Variants in DIAPH2 observed in about 807,000 individuals in gnomAD.
The protein encoded by DIAPH2 is protein diaphanous homolog 2.
DIAPH2 carries 35 observed loss-of-function variants against 92.7 expected under a neutral mutation model. The ratio of observed to expected loss-of-function variants is 0.38; its 90% CI spans 0.29 to 0.50. The LOEUF is 0.50. Among genes scored for constraint, DIAPH2 ranks in the 20% least tolerant of loss-of-function variants. The pLI, the probability that DIAPH2 is intolerant of heterozygous loss-of-function variation, is 0.94. For missense variants in DIAPH2, 701 were observed against 819.5 expected, an observed-to-expected ratio of 0.86 and a Z score of 1.77; for synonymous variants, 301 against 280.4, an observed-to-expected ratio of 1.07 and a Z score of -0.73.
chrX:97,598,395 G>T (rs2071569289), intron 26 of DIAPH2, among the ~76,000 whole-genome samples: 1 of 111,728 alleles, frequency 9.0e-6, no homozygotes, highest in South Asian at 3.7e-4. Context: ...TGTAAGTGCT[G>T]GTGGTTGTCA....
At chrX:97,166,487 A>AAAT (rs1276606117) in intron 22 of DIAPH2, among the ~76,000 whole-genome samples, 2 of 111,801 alleles carry the variant, frequency 1.8e-5, no homozygotes, top group African/African-American at 6.5e-5. Flanking sequence ...GGGCAAATGA[A>AAAT]AATAAAAGCA....
chrX:97,128,198 A>T (rs1325354948), intron 21 of DIAPH2, among the ~76,000 whole-genome samples: 1 of 111,770 alleles, frequency 8.9e-6, no homozygotes, highest in African/African-American at 3.3e-5. Flanking sequence ...TCCCGATGAT[A>T]TGCTGAACAA....
chrX:97,470,164 G>A (rs2070550184), intron 26 of DIAPH2, among the ~76,000 whole-genome samples: 1 of 111,293 alleles, frequency 9.0e-6, no homozygotes, highest in African/African-American at 3.3e-5. Context: ...AGCCACTAGG[G>A]TAGCCATGGT....
chrX:97,113,492 A>G (rs2147377805), intron 20 of DIAPH2, among the ~76,000 whole-genome samples: 1 of 112,433 alleles, frequency 8.9e-6, no homozygotes, highest in Admixed American at 9.4e-5. Context: ...TAGATATTTC[A>G]TCATACTTTT....
chrX:97,407,710 T>G (rs2069824376), intron 25 of DIAPH2, among the ~76,000 whole-genome samples: 1 of 112,430 alleles, frequency 8.9e-6, no homozygotes, highest in Non-Finnish European at 1.9e-5. Flanking sequence ...AGTCTGGCTC[T>G]GACCATACCT....
chrX:96,792,237 C>G (rs771063352), intron 4 of DIAPH2, among the ~76,000 whole-genome samples: 1 of 111,781 alleles, frequency 8.9e-6, no homozygotes, highest in Admixed American at 9.5e-5. Context: ...AGTTATACTT[C>G]CTGGATTGTT....
At chrX:97,048,356 A>G (rs1286805915) in intron 17 of DIAPH2, among the ~76,000 whole-genome samples, 3 of 111,322 alleles carry the variant, frequency 2.7e-5, no homozygotes, top group Non-Finnish European at 5.7e-5. Context: ...TCTCCTTTTT[A>G]GAAACATAGC....
At chrX:97,249,621 C>T (rs1011770945) in intron 23 of DIAPH2, among the ~76,000 whole-genome samples, 1 of 111,891 alleles carries the variant, frequency 8.9e-6, no homozygotes, top group Non-Finnish European at 1.9e-5. Context: ...AGTTATTCTT[C>T]CTTTGAAAGA....
chrX:96,702,052 G>A (rs2063858285), intron 1 of DIAPH2, among the ~76,000 whole-genome samples: 1 of 111,861 alleles, frequency 8.9e-6, no homozygotes, highest in Non-Finnish European at 1.9e-5. Flanking sequence ...ATCTAGAAAT[G>A]AGCTGTAATT....
chrX:97,082,243 G>T (rs1313417462), intron 19 of DIAPH2, among the ~76,000 whole-genome samples: 1 of 110,537 alleles, frequency 9.0e-6, no homozygotes, highest in African/African-American at 3.3e-5. Context: ...AACTTCATTA[G>T]AATTTTGATT....
intron 4 of DIAPH2, among the ~76,000 whole-genome samples, chrX:96,869,923 T>C (rs1331864531): frequency 9.0e-6 from 1 of 110,792 alleles, no homozygotes; most frequent in Non-Finnish European, 1.9e-5. Flanking sequence ...AAGTAATCAC[T>C]TGACTAAATT....
chrX:97,257,051 A>G (rs192791716), intron 23 of DIAPH2, among the ~76,000 whole-genome samples: 3 of 111,155 alleles, frequency 2.7e-5, no homozygotes, highest in African/African-American at 9.8e-5. Context: ...TTTAATAATC[A>G]TGTAATCATG....
chrX:96,782,630 C>T (rs1046376024), intron 4 of DIAPH2, among the ~76,000 whole-genome samples: 5 of 111,473 alleles, frequency 4.5e-5, no homozygotes, highest in African/African-American at 1.3e-4. Context: ...GATGGGGTTT[C>T]GCCATGTTGC....
chrX:97,025,221 G>A (rs936548506), intron 17 of DIAPH2, among the ~76,000 whole-genome samples: 2 of 110,797 alleles, frequency 1.8e-5, no homozygotes, highest in Non-Finnish European at 3.8e-5. Flanking sequence ...ATGGTGGCAT[G>A]CACCTGTAGT....
chrX:96,729,711 G>C (rs2064042969), intron 1 of DIAPH2, among the ~76,000 whole-genome samples: 1 of 112,266 alleles, frequency 8.9e-6, no homozygotes, highest in African/African-American at 3.2e-5. Context: ...AGAGCATCTT[G>C]AGAAGAGAAT....
At position 97,118,007 on chromosome X, in the gene DIAPH2, A is replaced by G. The variant is rs775858679; in HGVS notation, c.2589+3042A>G. On this transcript the variant is annotated intron_variant, in intron 21 of 26. Transcript: ENST00000324765. The stretch of plus-strand genomic sequence containing the variant: ...AATAGCATATATAATCTGCATAAGG[A>G]CAAAACATTTTAAAATACTTAGCAT... 2.7e-5 allele frequency among the ~76,000 whole-genome samples: 3 copies of G among 111,044 alleles called. No homozygotes were observed. In the Admixed American group the frequency reaches 2.9e-4, roughly 11 times the overall value.
chrX:97,296,389 G>A (rs2068643596), intron 23 of DIAPH2, among the ~76,000 whole-genome samples: 1 of 111,675 alleles, frequency 9.0e-6, no homozygotes. Flanking sequence ...TATGCCTGAA[G>A]TTGTCAGCTT....
intron 26 of DIAPH2, among the ~76,000 whole-genome samples, chrX:97,520,126 TG>T (rs1309741649): frequency 8.9e-6 from 1 of 112,554 alleles, no homozygotes; most frequent in Non-Finnish European, 1.9e-5. Flanking sequence ...ATAACAAGAA[TG>T]TTATTTCATT....
At chrX:97,428,165 CA>C (rs1257581918) in intron 25 of DIAPH2, among the ~76,000 whole-genome samples, 4 of 110,608 alleles carry the variant, frequency 3.6e-5, no homozygotes, top group African/African-American at 1.3e-4. Flanking sequence ...ATTATTATAA[CA>C]TTGGAGAAGT....
Sources: allele counts gnomAD v4.1 joint callset (sites outside exome capture counted in the v4.1 genomes callset), GRCh38; gene constraint gnomAD v4.1.1; transcripts MANE v1.5; gene names NCBI Gene and HGNC (gene_info 2026-07-23, HGNC 2026-07-21).